Variants in RSPH10B observed in about 807,000 individuals in gnomAD.
RSPH10B encodes the protein radial spoke head 10 homolog B.
In RSPH10B, 7 loss-of-function variants were observed where a neutral mutation model predicts 52.5. The ratio of observed to expected loss-of-function variants is 0.13; its 90% CI spans 0.08 to 0.25. The LOEUF (loss-of-function observed/expected upper bound fraction) is 0.25, where lower values mean the gene tolerates loss of function less well. RSPH10B is among the 10% of genes least tolerant of loss of function. The probability of loss-of-function intolerance (pLI) is 1.00; values close to 1 mark genes in which losing one functional copy is unlikely to be tolerated. For missense variants in RSPH10B, 89 were observed against 542.5 expected (o/e 0.16, Z 8.30); for synonymous variants, 28 against 193.2 (o/e 0.14, Z 7.09).
chr7:5,944,976 ATGACTGC>A, intron 11 of RSPH10B, 81 bp downstream of exon 13: 1 of 494,580 alleles, frequency 2.0e-6, no homozygotes, highest in South Asian at 2.0e-5. Context: ...AAAAATAAAA[ATGACTGC>A]TGAAGAAAAG....
chr7:5,942,775 T>A (rs1471446208), intron 13 of RSPH10B, among the ~76,000 whole-genome samples: 1 of 150,678 alleles, frequency 6.6e-6, no homozygotes, highest in East Asian at 1.9e-4. Context: ...GGCAGGAGAA[T>A]TGCTTGAACC....
Position 5,943,318 on chromosome 7 carries a change from G to C in RSPH10B, c.1758+6C>G, listed in dbSNP as rs1181460452. On this transcript the variant is annotated splice_donor_region_variant and intron_variant, in intron 13 of 18. Transcript: ENST00000337579. ...TAGAAAGCCAATATCGAACTTAGGTGGTTACTTTCAGCATCCAGAGGAAGT... is the reference window on the plus strand; with the variant it reads ...TAGAAAGCCAATATCGAACTTAGGTCGTTACTTTCAGCATCCAGAGGAAGT... The C allele has an allele frequency of 6.5e-7, 1 of 1,534,996 alleles. No homozygotes were observed. The highest frequency in any genetic ancestry group is 1.4e-5 in the African/African-American group (1 of 71,022).
In RSPH10B at chr7:5,965,828, T is replaced by A. The variant is rs202028211; in HGVS notation, c.255-116A>T. The A allele has an allele frequency of 1.3e-3, 280 of 212,450 alleles. 1 individual carries two copies. Among genetic ancestry groups the A allele is most frequent in the African/African-American group, 9.3e-3 (179 of 19,284 alleles). 13.2% of individuals were successfully genotyped at this position (212,450 alleles called of 1,614,324 possible). A position where few individuals can be genotyped will look rare whatever the true frequency, so the allele number is the denominator to read the frequency against. Reference sequence around the variant, plus strand: ...GAATGAAGTCAGAAAAAAAAAAATATATATATATATATATACACAGAGCTA... The same window carrying A: ...GAATGAAGTCAGAAAAAAAAAAATAAATATATATATATATACACAGAGCTA... On this transcript the variant is annotated intron_variant, in intron 1 of 18. Coordinates refer to ENST00000337579, the Ensembl canonical transcript of RSPH10B.
intron 17 of RSPH10B, among the ~76,000 whole-genome samples, chr7:5,931,589 G>A (rs1433945764): frequency 2.0e-5 from 3 of 151,286 alleles, no homozygotes; most frequent in Non-Finnish European, 4.4e-5. Context: ...GCGCGGTTGG[G>A]CTCATACCTG....
intron 13 of RSPH10B, 167 bp downstream of exon 15, chr7:5,943,157 C>G: frequency 2.1e-6 from 3 of 1,425,972 alleles, no homozygotes; most frequent in Non-Finnish European, 1.9e-6. Flanking sequence ...TCCACGACCA[C>G]AGACCACTGT....
chr7:5,960,411 T>C (rs1259147632), intron 4 of RSPH10B, among the ~76,000 whole-genome samples: 1 of 65,440 alleles, frequency 1.5e-5, no homozygotes, highest in Non-Finnish European at 3.4e-5. Context: ...AGACTCCATC[T>C]CAAAAAAAAA....
chr7:5,928,530 C>G (rs150126745), intron 17 of RSPH10B, 136 bp from the exon 20 acceptor site: 243,259 of 1,296,720 alleles, frequency 0.19, 324 homozygotes, highest in Admixed American at 0.3. Flanking sequence ...GGAGTAAGGA[C>G]GCTGCTTCCA....
intron 16 of RSPH10B, among the ~76,000 whole-genome samples, chr7:5,933,484 G>T (rs1272092325): frequency 7.2e-6 from 1 of 138,362 alleles, no homozygotes; most frequent in South Asian, 2.2e-4. Flanking sequence ...TACCGGCTAG[G>T]CGTGGTGGCT....
chr7:5,927,765 G>T (rs62453637), intron 18 of RSPH10B, among the ~76,000 whole-genome samples: 35,010 of 143,956 alleles, frequency 0.24, 2,612 homozygotes, highest in East Asian at 0.62. Flanking sequence ...GTGAAACCTC[G>T]TCTCTACTAA....
Position 5,932,766 on chromosome 7 carries a change from CA to C in RSPH10B, c.2233+15del. Reference sequence around the variant, plus strand: ...ACAGTTTGTAAATATTAAGGTTCTACAATTAAAATACTCACTGCTCTCAGAT... The same window carrying C: ...ACAGTTTGTAAATATTAAGGTTCTACATTAAAATACTCACTGCTCTCAGAT... On this transcript the variant is annotated intron_variant, in intron 17 of 18. Transcript: ENST00000337579. 3.3e-6 allele frequency: 1 copy of C among 303,092 alleles called. No individual in the cohort carries two copies. The highest frequency in any genetic ancestry group is 6.5e-6 in the Non-Finnish European group (1 of 153,328). 18.8% of individuals were successfully genotyped at this position (303,092 alleles called of 1,614,324 possible).
intron 12 of RSPH10B, among the ~76,000 whole-genome samples, chr7:5,943,694 C>G (rs1780334295): frequency 6.7e-6 from 1 of 149,908 alleles, no homozygotes; most frequent in Non-Finnish European, 1.5e-5. Context: ...CAGGCATGCA[C>G]CACCATACCT....
chr7:5,950,569 CA>C (rs71251915), intron 9 of RSPH10B, among the ~76,000 whole-genome samples: 95 of 133,448 alleles, frequency 7.1e-4, no homozygotes, highest in East Asian at 1.8e-3. Context: ...GACTCCGTCT[CA>C]AAAAAAAAAA....
chr7:5,942,688 C>A lies in RSPH10B; in HGVS notation c.1758+636G>T, dbSNP rs547022093. On this transcript the variant is annotated intron_variant, in intron 13 of 18. Coordinates refer to ENST00000337579, the Ensembl canonical transcript of RSPH10B. ...ACCAGCCTGGGCAACATGGTGAACA[C>A]CCGTCTCTACTAAAAATACAAAAAT... Among the ~76,000 whole-genome samples the A allele has an allele frequency of 1.6e-3, 246 of 149,950 alleles. 2 individuals carry two copies. Among genetic ancestry groups the A allele is most frequent in the African/African-American group, 5.9e-3 (239 of 40,474 alleles).
In RSPH10B at chr7:5,927,050, A is replaced by T. The variant is rs966739206; in HGVS notation, c.2433-502T>A. 1.8e-4 allele frequency among the ~76,000 whole-genome samples: 10 copies of T among 56,092 alleles called. No homozygotes were observed. In the South Asian group the frequency reaches 1.8e-3, roughly 10 times the overall value. The allele number at this position is 56,092 out of a possible 152,430, so 36.8% of individuals were successfully genotyped here. A position where few individuals can be genotyped will look rare whatever the true frequency, so the allele number is the denominator to read the frequency against. ...GTGTGTGTGTGTGTGTGTGTGTATT[A>T]TGTGTGTGTGTGTGTGTATATGTGT... On this transcript the variant is annotated intron_variant, in intron 18 of 18. Transcript: ENST00000337579.
chr7:5,927,068 A>ATGTGTGTGTG (rs1162615266), intron 18 of RSPH10B, among the ~76,000 whole-genome samples: 1 of 54,860 alleles, frequency 1.8e-5, no homozygotes. Flanking sequence ...GTGTGTGTGT[A>ATGTGTGTGTG]TATGTGTGTG....
intron 13 of RSPH10B, among the ~76,000 whole-genome samples, chr7:5,940,257 G>GT (rs529544244): frequency 1.3e-3 from 41 of 30,756 alleles, no homozygotes; most frequent in East Asian, 7.1e-3. Context: ...AGGTTTCAAT[G>GT]TTTTTTTTTT....
At chr7:5,957,937 C>T (rs1349643005) in exon 6 of RSPH10B, 8 of 1,305,218 alleles carry the variant, frequency 6.1e-6, no homozygotes, top group South Asian at 1.5e-5. Flanking sequence ...GCCCGGTGTA[C>T]TCTTCGTTGG....
intron 13 of RSPH10B, among the ~76,000 whole-genome samples, chr7:5,941,382 TA>T (rs1429359222): frequency 2.8e-5 from 4 of 142,000 alleles, no homozygotes; most frequent in Non-Finnish European, 1.6e-5. Context: ...ATGAAATTTG[TA>T]AAAACACTGT....
At chr7:5,937,100 A>AAAG (rs1779960594) in intron 15 of RSPH10B, among the ~76,000 whole-genome samples, 2 of 60,644 alleles carry the variant, frequency 3.3e-5, no homozygotes, top group African/African-American at 9.2e-5. Flanking sequence ...AAAAAAAAAA[A>AAAG]AAAAAGAATT....
Sources: allele counts gnomAD v4.1 joint callset (sites outside exome capture counted in the v4.1 genomes callset), GRCh38; gene constraint gnomAD v4.1.1; transcripts MANE v1.5; gene names NCBI Gene and HGNC (gene_info 2026-07-23, HGNC 2026-07-21).